Variants in POLR1A observed in about 807,000 individuals in gnomAD.
POLR1A encodes the protein RNA polymerase I subunit A.
A neutral mutation model predicts 205.3 loss-of-function variants in POLR1A; 84 were observed. The observed-to-expected ratio is 0.41, with a 90% CI of 0.34 to 0.49. The LOEUF (loss-of-function observed/expected upper bound fraction) is 0.49. Among genes scored for constraint, POLR1A ranks in the 20% least tolerant of loss-of-function variants. The probability of loss-of-function intolerance (pLI) is 0.22; values close to 1 mark genes in which losing one functional copy is unlikely to be tolerated. For synonymous variants in POLR1A, 799 were observed against 863.7 expected (o/e 0.93, Z 1.31); for missense variants, 1,645 against 2,204.5 (o/e 0.75, Z 5.08).
chr2:86,088,329 C>T (rs1028314802), intron 6 of POLR1A, among the ~76,000 whole-genome samples: 11 of 152,220 alleles, frequency 7.2e-5, no homozygotes, highest in Non-Finnish European at 1.3e-4. Context: ...AGGCAAGAGG[C>T]GCCTGTGGGG....
chr2:86,028,796 C>T lies in POLR1A; in HGVS notation c.4780-85G>A. On this transcript the variant is annotated intron_variant, in intron 31 of 33. Coordinates refer to ENST00000263857, the MANE Select transcript of POLR1A (RefSeq NM_015425.6). The surrounding 1 kb of genome is among the most constrained non-coding windows in gnomAD (Gnocchi z 4.5). The stretch of plus-strand genomic sequence containing the variant: ...GCGTATCTCCCCCTGGCCGCTCTCT[C>T]TCTCCTTGTGTCTGGCAGCTCGGTA... 1 of 965,970 alleles carries T rather than the reference C, an allele frequency of 1.0e-6. No individual in the cohort carries two copies. The highest frequency in any genetic ancestry group is 1.6e-6 in the Non-Finnish European group (1 of 611,346). The allele number at this position is 965,970 out of a possible 1,614,324, so 59.8% of individuals were successfully genotyped here.
At chr2:86,080,011 G>T (rs1673370020) in intron 9 of POLR1A, among the ~76,000 whole-genome samples, 1 of 152,160 alleles carries the variant, frequency 6.6e-6, no homozygotes, top group Admixed American at 6.5e-5. Context: ...GGCCGATCAG[G>T]AAACAAGCAA....
intron 28 of POLR1A, 150 bp from the exon 29 acceptor site, chr2:86,032,532 C>T (rs1395364859): frequency 1.5e-6 from 1 of 649,420 alleles, no homozygotes; most frequent in African/African-American, 1.8e-5. Context: ...TCCACTGCCA[C>T]CCAACCCAAC....
chr2:86,072,265 A>G (rs115945987), intron 12 of POLR1A, among the ~76,000 whole-genome samples: 196 of 152,250 alleles, frequency 1.3e-3, no homozygotes, highest in African/African-American at 4.4e-3. Flanking sequence ...TTCCAAGGAG[A>G]CCTAAACTCT....
At chr2:86,045,071 C>A (rs992593765) in intron 21 of POLR1A, among the ~76,000 whole-genome samples, 1 of 152,200 alleles carries the variant, frequency 6.6e-6, no homozygotes, top group African/African-American at 2.4e-5. Flanking sequence ...GAACACAGAG[C>A]CCTTGGTATA....
rs545791937 is a variant in POLR1A, at chr2:86,053,693, A to G, written c.2208+447T>C. On this transcript the variant is annotated intron_variant, in intron 15 of 33. Coordinates refer to ENST00000263857, the MANE Select transcript of POLR1A (RefSeq NM_015425.6). Reference sequence around the variant, plus strand: ...CGTTGTGCACTGGGGGCCTGGAAAGACTTCTCCACTGGGAACATGCAGAGG... The same window carrying G: ...CGTTGTGCACTGGGGGCCTGGAAAGGCTTCTCCACTGGGAACATGCAGAGG... Among the ~76,000 whole-genome samples the G allele has an allele frequency of 2.5e-4, 38 of 152,244 alleles. 1 individual carries two copies. In the South Asian group the frequency reaches 7.9e-3, roughly 32 times the overall value.
At chr2:86,094,239 T>G (rs1673661663) in intron 3 of POLR1A, among the ~76,000 whole-genome samples, 1 of 152,252 alleles carries the variant, frequency 6.6e-6, no homozygotes, top group Non-Finnish European at 1.5e-5. Context: ...GTTAGTAGCC[T>G]GTTAAACTTT....
At chr2:86,082,233 A>C (rs1399363097) in intron 7 of POLR1A, among the ~76,000 whole-genome samples, 1 of 152,174 alleles carries the variant, frequency 6.6e-6, no homozygotes, top group Non-Finnish European at 1.5e-5. Context: ...CAGGGACAAT[A>C]GCTCTTAAAC....
intron 3 of POLR1A, among the ~76,000 whole-genome samples, chr2:86,092,463 G>T (rs1042343125): frequency 3.9e-5 from 6 of 152,248 alleles, no homozygotes; most frequent in African/African-American, 1.4e-4. Context: ...CTGCTGAAGA[G>T]AAATGTGTGA....
chr2:86,089,848 T>G lies in POLR1A; in HGVS notation c.514A>C (p.Asn172His). Residue 172 changes from asparagine (N) to histidine (H), a missense_variant, in exon 4 of 34, where the codon AAC becomes CAC. By Grantham distance (68) the Asn-to-His change is moderately conservative. Coordinates refer to ENST00000263857, the MANE Select transcript of POLR1A (RefSeq NM_015425.6). ...EQYTTEIVQN[N>H]LLGSQGAHVK... ...TGTGCGCCCTGGGACCCCAGGAGGT[T>G]GTTCTGCACAATTTCAGTTGTGTAT... 1 of 1,611,320 alleles carries G rather than the reference T, an allele frequency of 6.2e-7. No individual in the cohort carries two copies. Among genetic ancestry groups the G allele is most frequent in the South Asian group, 1.1e-5 (1 of 91,014 alleles).
At chr2:86,061,578 C>T in intron 14 of POLR1A, among the ~76,000 whole-genome samples, 1 of 152,176 alleles carries the variant, frequency 6.6e-6, no homozygotes. Context: ...GACAAGTGTT[C>T]ACAGTAGCCC....
At chr2:86,054,014 A>C (rs1435233375) in intron 15 of POLR1A, 126 bp downstream of exon 15, 67 of 880,396 alleles carry the variant, frequency 7.6e-5, no homozygotes, top group Non-Finnish European at 1.1e-4. Context: ...CTCAGGCACA[A>C]CGCCTTCTCT....
chr2:86,063,293 C>A (rs1443986159), intron 14 of POLR1A, among the ~76,000 whole-genome samples: 1 of 124,766 alleles, frequency 8.0e-6, no homozygotes, highest in African/African-American at 3.0e-5. Flanking sequence ...CAGGATCACA[C>A]CATTGCATTC....
chr2:86,043,551 C>T (rs950885723), intron 22 of POLR1A, among the ~76,000 whole-genome samples: 1 of 152,144 alleles, frequency 6.6e-6, no homozygotes, highest in African/African-American at 2.4e-5. Flanking sequence ...GGAAAGGACT[C>T]AGCACCAGAG....
In POLR1A at chr2:86,023,913, C is replaced by T. The variant is rs1690207502; in HGVS notation, c.*3510G>A. Reference sequence around the variant, plus strand: ...TATAGGCGCGCACCACCACACCCAGCTAATTTTTGTATTTTTAGTAGAGAT... The same window carrying T: ...TATAGGCGCGCACCACCACACCCAGTTAATTTTTGTATTTTTAGTAGAGAT... On this transcript the variant is annotated 3_prime_UTR_variant, in exon 34 of 34. Coordinates refer to ENST00000263857, the MANE Select transcript of POLR1A (RefSeq NM_015425.6). The T allele has an allele frequency of 6.6e-6, 1 of 152,226 alleles. No individual in the cohort carries two copies. Among genetic ancestry groups the T allele is most frequent in the South Asian group, 2.1e-4 (1 of 4,834 alleles). 9.4% of individuals were successfully genotyped at this position (152,226 alleles called of 1,614,324 possible).
At chr2:86,071,683 T>C (rs1197345272) in intron 12 of POLR1A, among the ~76,000 whole-genome samples, 1 of 152,234 alleles carries the variant, frequency 6.6e-6, no homozygotes, top group Non-Finnish European at 1.5e-5. Context: ...CTTATAAATA[T>C]CTGGCTGGTC....
At chr2:86,074,925 T>C (rs1300055981) in intron 12 of POLR1A, 105 bp downstream of exon 12, 1 of 745,814 alleles carries the variant, frequency 1.3e-6, no homozygotes. Flanking sequence ...CTCCTAGGGA[T>C]GGGCTCCTGT....
In POLR1A at chr2:86,038,244, G is replaced by A. The variant is rs375028156; in HGVS notation, c.4034+456C>T. On this transcript the variant is annotated intron_variant, in intron 27 of 33. Coordinates refer to ENST00000263857, the MANE Select transcript of POLR1A (RefSeq NM_015425.6). The stretch of plus-strand genomic sequence containing the variant: ...TATAGAATGGAGATCTAACAGCAGC[G>A]TGCCACCCGCACATTGTTCATTATT... 2.0e-5 allele frequency among the ~76,000 whole-genome samples: 3 copies of A among 152,310 alleles called. No individual in the cohort carries two copies. The East Asian group carries it at 5.8e-4, about 29-fold the overall frequency.
At position 86,065,591 on chromosome 2, in the gene POLR1A, C is replaced by T. The variant is rs1195687291; in HGVS notation, c.1867-126G>A. 17 of 740,432 alleles carry T rather than the reference C, an allele frequency of 2.3e-5. No individual in the cohort carries two copies. In the East Asian group the frequency reaches 4.6e-4, roughly 20 times the overall value. 45.9% of individuals were successfully genotyped at this position (740,432 alleles called of 1,614,324 possible). A position where few individuals can be genotyped will look rare whatever the true frequency, so the allele number is the denominator to read the frequency against. The stretch of plus-strand genomic sequence containing the variant: ...CTTCTTATATCCCTGTCTTGTCTTG[C>T]CCACATCCTCACTATGTTCTTGCTT... On this transcript the variant is annotated intron_variant, in intron 13 of 33. Coordinates refer to ENST00000263857, the MANE Select transcript of POLR1A (RefSeq NM_015425.6).
Sources: gnomAD v4.1 joint callset for allele counts (sites outside exome capture counted in the v4.1 genomes callset) on GRCh38, gnomAD v4.1.1 for gene constraint, Gnocchi (gnomAD v3.1) non-coding constraint, MANE v1.5 for transcripts, NCBI Gene and HGNC (gene_info 2026-07-23, HGNC 2026-07-21) for gene names.